The following SCN2A variants were observed in gnomAD, a reference collection of about 807,000 sequenced individuals.
SCN2A encodes the protein sodium channel protein type 2 subunit alpha.
A neutral mutation model predicts 188.7 loss-of-function variants in SCN2A; 20 were observed. The observed-to-expected ratio is 0.11, with a 90% CI of 0.07 to 0.15. SCN2A has a LOEUF of 0.15. SCN2A is among the 10% of genes least tolerant of loss of function. SCN2A has a pLI of 1.00. For synonymous variants in SCN2A, 804 were observed against 833.1 expected (o/e 0.97, Z 0.60); for missense variants, 1,278 against 2,445.0 (o/e 0.52, Z 10.07).
rs762028087 is a variant in SCN2A, at chr2:165,367,387, T to C, written c.3675+16T>C. ...TGGGGCTCTGGTAGGTGATGCATGA[T>C]CCACTCCTTCACCTTTCATCTGAAA... On this transcript the variant is annotated intron_variant, in intron 19 of 26. Transcript: ENST00000375437. 4 of 1,613,380 alleles carry C rather than the reference T, an allele frequency of 2.5e-6. No homozygotes were observed. The East Asian group carries it at 6.7e-5, about 27-fold the overall frequency.
intron 10 of SCN2A, among the ~76,000 whole-genome samples, chr2:165,314,390 CAT>C (rs1697618371): frequency 6.6e-6 from 1 of 152,094 alleles, no homozygotes; most frequent in African/African-American, 2.4e-5. Context: ...ACAAAGGCCT[CAT>C]GTACTCAAAC....
rs1001985678 is a variant in SCN2A, at chr2:165,323,173, T to C, written c.1689T>C (p.Arg563=). ...SSPHQSLLSI[R]GSLFSPRRNS... ...ATTCATAGTCCTTACTGAGCATCCG[T>C]GGCTCCCTTTTCTCTCCAAGACGCA... The change falls in exon 12 of 27, where the codon CGT becomes CGC. Residue 563 remains arginine, a synonymous_variant. Transcript: ENST00000375437. The C allele has an allele frequency of 5.0e-6, 8 of 1,614,204 alleles. No homozygotes were observed. Among genetic ancestry groups the C allele is most frequent in the Non-Finnish European group, 6.8e-6 (8 of 1,180,032 alleles).
Position 165,342,331 on chromosome 2 carries a change from C to T in SCN2A, c.2424C>T (p.Leu808=). The change falls in exon 15 of 27, where the codon CTC becomes CTT. Residue 808 remains leucine, a synonymous_variant. Transcript: ENST00000375437. ...FTGIFTAEMF[L]KIIAMDPYYY... ...GGATCTTCACAGCAGAAATGTTTCT[C>T]AAGATAATTGCCATGGATCCATATT... is the stretch of plus-strand genomic sequence containing the variant. 1.2e-6 allele frequency: 2 copies of T among 1,613,906 alleles called. No individual in the cohort carries two copies. Among genetic ancestry groups the T allele is most frequent in the Non-Finnish European group, 1.7e-6 (2 of 1,179,904 alleles).
At chr2:165,324,155 G>C (rs766055289) in intron 12 of SCN2A, among the ~76,000 whole-genome samples, 1 of 152,046 alleles carries the variant, frequency 6.6e-6, no homozygotes. Context: ...CCAATCACAT[G>C]GAAAAGGATT....
intron 16 of SCN2A, among the ~76,000 whole-genome samples, chr2:165,347,829 G>A (rs983414231): frequency 1.3e-5 from 2 of 152,162 alleles, no homozygotes; most frequent in Admixed American, 6.5e-5. Context: ...GGAAGTCTTT[G>A]TCAAAGAGTT....
At chr2:165,264,017 G>A (rs1007826647) in intron 1 of SCN2A, among the ~76,000 whole-genome samples, 1 of 151,916 alleles carries the variant, frequency 6.6e-6, no homozygotes, top group East Asian at 1.9e-4. Flanking sequence ...TGCTGAATTC[G>A]TTTACCAGTT....
At chr2:165,309,564 T>C in intron 6 of SCN2A, 121 bp downstream of exon 6, 1 of 1,171,852 alleles carries the variant, frequency 8.5e-7, no homozygotes. Flanking sequence ...AAAGCAAGAA[T>C]TGGTACATCA....
At chr2:165,255,610 C>T (rs928274818) in intron 1 of SCN2A, among the ~76,000 whole-genome samples, 1 of 151,890 alleles carries the variant, frequency 6.6e-6, no homozygotes, top group African/African-American at 2.4e-5. Context: ...ACCCCATATC[C>T]TAACTAAGGA....
At chr2:165,309,286 C>T (rs770918241) in intron 5 of SCN2A, 66 bp from the exon 6 acceptor site, 2 of 1,613,028 alleles carry the variant, frequency 1.2e-6, no homozygotes, top group African/African-American at 1.3e-5. Flanking sequence ...AGGTGGTAGG[C>T]CCCTTATATC....
intron 1 of SCN2A, chr2:165,272,675 A>C (rs1334364415): frequency 6.6e-6 from 1 of 152,038 alleles, no homozygotes; most frequent in Non-Finnish European, 1.5e-5. Context: ...ATTAGAAATC[A>C]ATTACAATTA....
chr2:165,296,720 A>G (rs1248205036), intron 2 of SCN2A: 2 of 197,296 alleles, frequency 1.0e-5, no homozygotes, highest in Admixed American at 1.1e-4. Context: ...TTTGTGCTTT[A>G]TGTGAATTAT....
At chr2:165,244,932 C>T (rs73969317) in intron 1 of SCN2A, among the ~76,000 whole-genome samples, 6,658 of 151,584 alleles carry the variant, frequency 0.044, 189 homozygotes, top group East Asian at 0.094. Context: ...AACAACAGTT[C>T]TCTTAAGCAT....
rs1042934581 is a variant in SCN2A at position 165,390,874 on chromosome 2, T to G, written c.*1050T>G. 2.0e-5 allele frequency: 3 copies of G among 152,566 alleles called. No individual in the cohort carries two copies. The highest frequency in any genetic ancestry group is 4.4e-5 in the Non-Finnish European group (3 of 68,010). 9.5% of individuals were successfully genotyped at this position (152,566 alleles called of 1,614,324 possible). On this transcript the variant is annotated 3_prime_UTR_variant, in exon 27 of 27. Transcript: ENST00000375437. ...TTGTTTAGCCATCTTCTGCTCTTGG[T>G]AAGGTTGACATAGTATATGTCAATT...
At chr2:165,359,089 A>G (rs1434819616) in intron 17 of SCN2A, among the ~76,000 whole-genome samples, 1 of 152,136 alleles carries the variant, frequency 6.6e-6, no homozygotes, top group East Asian at 1.9e-4. Context: ...AGCAATAATC[A>G]TGCCATTCCT....
In SCN2A at chr2:165,295,823, G is replaced by T; in HGVS notation, c.-1G>T. The stretch of plus-strand genomic sequence containing the variant: ...AGTGATTAAAGGAGCAGGATGAAAA[G>T]ATGGCACAGTCAGTGCTGGTACCGC... On this transcript the variant is annotated 5_prime_UTR_variant, in exon 2 of 27. Coordinates refer to ENST00000375437, the MANE Select transcript of SCN2A (RefSeq NM_001040142.2). 6.2e-7 allele frequency: 1 copy of T among 1,614,084 alleles called. No homozygotes were observed. The highest frequency in any genetic ancestry group is 1.3e-5 in the African/African-American group (1 of 75,044).
At chr2:165,349,027 A>G (rs1239950765) in intron 16 of SCN2A, among the ~76,000 whole-genome samples, 1 of 152,252 alleles carries the variant, frequency 6.6e-6, no homozygotes, top group East Asian at 1.9e-4. Context: ...ATAATCCCCA[A>G]GACAACTTTA....
chr2:165,299,068 T>G (rs1227107475), intron 3 of SCN2A, among the ~76,000 whole-genome samples: 4 of 152,006 alleles, frequency 2.6e-5, no homozygotes, highest in African/African-American at 9.7e-5. Context: ...ACTTTTGTAA[T>G]AGACCATGGA....
chr2:165,325,236 G>A (rs1289885854), intron 12 of SCN2A, among the ~76,000 whole-genome samples: 1 of 152,178 alleles, frequency 6.6e-6, no homozygotes, highest in African/African-American at 2.4e-5. Flanking sequence ...TCCTATCAGA[G>A]ATGATGGGAC....
intron 13 of SCN2A, chr2:165,327,695 T>C (rs1298154789): frequency 6.6e-6 from 1 of 152,466 alleles, no homozygotes; most frequent in Non-Finnish European, 1.5e-5. Context: ...ATAAGGTTGT[T>C]GAATGGATTA....
Sources: gnomAD v4.1 joint callset for allele counts (sites outside exome capture counted in the v4.1 genomes callset) on GRCh38, gnomAD v4.1.1 for gene constraint, MANE v1.5 for transcripts, NCBI Gene and HGNC (gene_info 2026-07-23, HGNC 2026-07-21) for gene names.